The following ZNF532 variants were observed in gnomAD, a reference collection of about 807,000 sequenced individuals.
ZNF532 encodes the protein zinc finger protein 532.
In ZNF532, 22 loss-of-function variants were observed where a neutral mutation model predicts 89.3. The ratio of observed to expected loss-of-function variants is 0.25; its 90% CI spans 0.18 to 0.35. The LOEUF (loss-of-function observed/expected upper bound fraction) is 0.35. Ranked by LOEUF, ZNF532 falls within the 10% of genes least tolerant of loss-of-function variation. The pLI, the probability that ZNF532 is intolerant of heterozygous loss-of-function variation, is 1.00. For synonymous variants in ZNF532, 606 were observed against 649.6 expected (o/e 0.93, Z 1.02); for missense variants, 1,132 against 1,643.4 (o/e 0.69, Z 5.38).
Position 58,984,327 on chromosome 18 carries a change from C to A in ZNF532, c.3767C>A (p.Ser1256Tyr), listed in dbSNP as rs1253629901. 16 of 1,611,976 alleles carry A rather than the reference C, an allele frequency of 9.9e-6. No individual in the cohort carries two copies. The East Asian group carries it at 3.6e-4, about 36-fold the overall frequency. The change falls in exon 10 of 10, where the codon TCC becomes TAC. Residue 1256 changes from serine (S) to tyrosine (Y), a missense_variant. By Grantham distance (144) the Ser-to-Tyr change is moderately radical. Coordinates refer to ENST00000591808, the MANE Select transcript of ZNF532 (RefSeq NM_001375912.1). Reference sequence around the variant, plus strand: ...AACAAACCCAGCCACGAGGATGAATCCCCTGATGGCGCCGTGTCAGACAGA... The same window carrying A: ...AACAAACCCAGCCACGAGGATGAATACCCTGATGGCGCCGTGTCAGACAGA... ...QENKPSHEDE[S>Y]PDGAVSDRKC... is the part of the protein sequence containing the mutation.
intron 7 of ZNF532, among the ~76,000 whole-genome samples, chr18:58,957,234 A>C (rs1215337837): frequency 1.3e-5 from 2 of 152,118 alleles, no homozygotes; most frequent in Non-Finnish European, 2.9e-5. Flanking sequence ...TATTTGGCTA[A>C]AGGTCTCAGG....
At chr18:58,934,941 C>T (rs2146472347) in intron 4 of ZNF532, among the ~76,000 whole-genome samples, 1 of 152,216 alleles carries the variant, frequency 6.6e-6, no homozygotes, top group East Asian at 1.9e-4. Flanking sequence ...ATTTTAACCC[C>T]TGCAAGAAAA....
intron 4 of ZNF532, among the ~76,000 whole-genome samples, chr18:58,936,038 A>T (rs1177917253): frequency 6.6e-6 from 1 of 152,194 alleles, no homozygotes; most frequent in Non-Finnish European, 1.5e-5. Context: ...TGTAATGCAC[A>T]AATGTTTTAT....
At chr18:58,876,290 C>T (rs1288692763) in intron 2 of ZNF532, among the ~76,000 whole-genome samples, 1 of 152,112 alleles carries the variant, frequency 6.6e-6, no homozygotes, top group African/African-American at 2.4e-5. Context: ...GGGATGGGCC[C>T]AAGACTGCAT....
chr18:58,947,514 G>T (rs561699768), intron 5 of ZNF532, among the ~76,000 whole-genome samples: 179 of 152,238 alleles, frequency 1.2e-3, no homozygotes, highest in Middle Eastern at 0.01. Flanking sequence ...TTTATTTTCT[G>T]TTTCTTGATT....
intron 6 of ZNF532, among the ~76,000 whole-genome samples, chr18:58,951,646 G>GTTTTTTTTTTTTGGTTT (rs1568405970): frequency 5.5e-5 from 4 of 72,602 alleles, no homozygotes; most frequent in African/African-American, 1.9e-4. Flanking sequence ...TCGCCCTGTT[G>GTTTTTTTTTTTTGGTTT]TTTTTTTTTT....
intron 2 of ZNF532, chr18:58,916,761 G>C (rs1397990583): frequency 2.0e-6 from 2 of 984,452 alleles, no homozygotes; most frequent in African/African-American, 3.5e-5. Context: ...AGCAGCTGTT[G>C]ATAGATTTGT....
rs2068323655 is a variant in ZNF532, at chr18:58,985,697, T to G, written c.*1231T>G. On this transcript the variant is annotated 3_prime_UTR_variant, in exon 10 of 10. Coordinates refer to ENST00000591808, the MANE Select transcript of ZNF532 (RefSeq NM_001375912.1). ...TTTATAGTTCTCTGAGAGAGTTCTA[T>G]TTTTTGGTTTTGTTTTGTGTTTTCT... is the stretch of plus-strand genomic sequence containing the variant. 1 of 152,620 alleles carries G rather than the reference T, an allele frequency of 6.6e-6. No homozygotes were observed. Among genetic ancestry groups the G allele is most frequent in the Non-Finnish European group, 1.5e-5 (1 of 68,030 alleles). The allele number at this position is 152,620 out of a possible 1,614,324, so 9.5% of individuals were successfully genotyped here. A position where few individuals can be genotyped will look rare whatever the true frequency, so the allele number is the denominator to read the frequency against.
chr18:58,881,189 C>T (rs2054857372), intron 2 of ZNF532, among the ~76,000 whole-genome samples: 1 of 151,494 alleles, frequency 6.6e-6, no homozygotes, highest in South Asian at 2.1e-4. Flanking sequence ...GCAGCCTCTG[C>T]CTCCTTCAAG....
At chr18:58,894,548 T>C (rs1461693060) in intron 2 of ZNF532, among the ~76,000 whole-genome samples, 1 of 152,148 alleles carries the variant, frequency 6.6e-6, no homozygotes, top group Non-Finnish European at 1.5e-5. Context: ...AAGGATGTTC[T>C]TACTAATCAA....
chr18:58,937,091 T>C (rs2062542634), intron 4 of ZNF532, among the ~76,000 whole-genome samples: 1 of 152,222 alleles, frequency 6.6e-6, no homozygotes, highest in African/African-American at 2.4e-5. Flanking sequence ...TTTTCCTGCC[T>C]CTTGATACAC....
intron 3 of ZNF532, among the ~76,000 whole-genome samples, chr18:58,920,917 T>G (rs2061020370): frequency 6.6e-6 from 1 of 150,754 alleles, no homozygotes; most frequent in African/African-American, 2.4e-5. Context: ...GTAGCAGGAG[T>G]GGTAGTGGCA....
chr18:58,915,502 GC>G (rs2060539996), intron 2 of ZNF532, among the ~76,000 whole-genome samples: 1 of 152,200 alleles, frequency 6.6e-6, no homozygotes, highest in Non-Finnish European at 1.5e-5. Context: ...TGAGGGGTTT[GC>G]AGGCATGGGA....
At chr18:58,920,757 TG>T in intron 3 of ZNF532, 124 bp downstream of exon 3, 2 of 606,614 alleles carry the variant, frequency 3.3e-6, no homozygotes, top group Non-Finnish European at 5.5e-6. Context: ...TGTGTGTGTG[TG>T]TGTGTGTGTG....
intron 2 of ZNF532, among the ~76,000 whole-genome samples, chr18:58,899,044 T>A (rs1183946059): frequency 1.3e-5 from 2 of 152,266 alleles, no homozygotes; most frequent in African/African-American, 4.8e-5. Flanking sequence ...GAAGCACAGG[T>A]GCTGAGTGCG....
At position 58,919,545 on chromosome 18, in the gene ZNF532, C is replaced by G. The variant is rs778015925; in HGVS notation, c.1258C>G (p.Pro420Ala). 1.9e-6 allele frequency: 3 copies of G among 1,614,226 alleles called. No individual in the cohort carries two copies. The South Asian group carries it at 3.3e-5, about 18-fold the overall frequency. ...ATCAGCCGCCGTCCTTTCCTCTCCC[C>G]CCAGGGCGCCTCTCCAGTCTGCGGT... ...PASAAVLSSP[P>A]RAPLQSAVVT... Residue 420 changes from proline (P) to alanine (A), a missense_variant, in exon 3 of 10, where the codon CCC (proline) becomes GCC (alanine). Coordinates refer to ENST00000591808, the MANE Select transcript of ZNF532 (RefSeq NM_001375912.1). The surrounding 1 kb of genome is among the most constrained non-coding windows in gnomAD (Gnocchi z 6.1).
At chr18:58,951,232 G>A (rs1029697557) in intron 6 of ZNF532, among the ~76,000 whole-genome samples, 1 of 152,182 alleles carries the variant, frequency 6.6e-6, no homozygotes, top group South Asian at 2.1e-4. Flanking sequence ...GAAGTGCTGG[G>A]ATTTACAGGC....
Position 58,984,480 on chromosome 18 carries a change from A to C in ZNF532, c.*14A>C, listed in dbSNP as rs1317213430. ...GCCGAGAAATAGCCACAGATGCTCC[A>C]TGAGGAAAATCCCTGTCCACATTGG... is the stretch of plus-strand genomic sequence containing the variant. On this transcript the variant is annotated 3_prime_UTR_variant, in exon 10 of 10. Coordinates refer to ENST00000591808, the MANE Select transcript of ZNF532 (RefSeq NM_001375912.1). 1.9e-6 allele frequency: 3 copies of C among 1,602,754 alleles called. No individual in the cohort carries two copies. The highest frequency in any genetic ancestry group is 2.2e-5 in the South Asian group (2 of 90,058).
intron 5 of ZNF532, 177 bp downstream of exon 5, chr18:58,939,798 A>G (rs1194292689): frequency 9.0e-5 from 45 of 498,396 alleles, no homozygotes; most frequent in Non-Finnish European, 1.0e-5. Context: ...TGTTCTTTCC[A>G]GGTAAAGACC....
Sources: allele counts gnomAD v4.1 joint callset (sites outside exome capture counted in the v4.1 genomes callset), GRCh38; gene constraint gnomAD v4.1.1; non-coding constraint Gnocchi (gnomAD v3.1); transcripts MANE v1.5; gene names NCBI Gene and HGNC (gene_info 2026-07-23, HGNC 2026-07-21).